ARMCX4: variants seen among roughly 807,000 people sequenced by gnomAD.
The protein encoded by ARMCX4 is armadillo repeat-containing X-linked protein 4.
Under a neutral mutation model 34.7 loss-of-function variants are expected in ARMCX4, and 3 were observed. The ratio of observed to expected loss-of-function variants is 0.09; its 90% confidence interval spans 0.04 to 0.22. The LOEUF is 0.22. Among genes scored for constraint, ARMCX4 ranks in the 10% least tolerant of loss-of-function variants. The pLI is 1.00. For synonymous variants in ARMCX4, 513 were observed against 632.8 expected (o/e 0.81, Z 2.84); for missense variants, 1,448 against 1,720.8 (o/e 0.84, Z 2.81).
rs139832388 is a variant in ARMCX4, at chrX:101,519,228, C to A, written c.*1780+8173C>A. The stretch of plus-strand genomic sequence containing the variant: ...GATGTATCAGCTATAATTTTCAGTT[C>A]TGTTAACTATAAGTACAATGTTTTA... On this transcript the variant is annotated intron_variant and NMD_transcript_variant, in intron 11 of 12. Transcript: ENST00000354842. 6.0e-3 allele frequency among the ~76,000 whole-genome samples: 666 copies of A among 111,293 alleles called. 5 individuals carry two copies. Among genetic ancestry groups the A allele is most frequent in the African/African-American group, 0.021 (643 of 30,705 alleles).
At chrX:101,527,342 TG>T (rs1249041867) in intron 11 of ARMCX4, among the ~76,000 whole-genome samples, 8 of 110,688 alleles carry the variant, frequency 7.2e-5, no homozygotes, top group African/African-American at 2.6e-4. Context: ...GTGTGTAGAG[TG>T]AAATTTATAG....
intron 8 of ARMCX4, among the ~76,000 whole-genome samples, chrX:101,507,712 G>C (rs1382205398): frequency 8.9e-6 from 1 of 111,896 alleles, no homozygotes; most frequent in African/African-American, 3.2e-5. Context: ...TTGCCTGTCT[G>C]AAAATGCCTG....
intron 11 of ARMCX4, among the ~76,000 whole-genome samples, chrX:101,530,034 C>T (rs931168870): frequency 1.1e-4 from 12 of 111,697 alleles, no homozygotes; most frequent in Admixed American, 5.7e-4. Context: ...CACATGCACA[C>T]GTATTTTTAT....
At chrX:101,530,538 T>G (rs1195188946) in intron 11 of ARMCX4, among the ~76,000 whole-genome samples, 2 of 111,535 alleles carry the variant, frequency 1.8e-5, no homozygotes, top group Non-Finnish European at 3.8e-5. Context: ...GAAAAAAATT[T>G]TAAGGTAGTT....
intron 2 of ARMCX4, among the ~76,000 whole-genome samples, chrX:101,440,653 C>G (rs6652846): frequency 0.017 from 1,848 of 111,651 alleles, 42 homozygotes; most frequent in African/African-American, 0.057. Context: ...CTTTGTTTAC[C>G]TACTCAAGCC....
intron 2 of ARMCX4, 135 bp from the exon 3 acceptor site, chrX:101,487,058 C>CTTTTT (rs782356134): frequency 1.1e-5 from 1 of 88,000 alleles, no homozygotes; most frequent in African/African-American, 4.4e-5. Flanking sequence ...AAGCCCCAGG[C>CTTTTT]TTTTTTTTTT....
intron 11 of ARMCX4, among the ~76,000 whole-genome samples, chrX:101,525,081 T>A (rs781976418): frequency 1.1e-3 from 122 of 111,428 alleles, no homozygotes; most frequent in African/African-American, 3.8e-3. Context: ...CAGATGCCTA[T>A]CTGAGACACA....
rs782542577 is a variant in ARMCX4 at position 101,434,059 on chromosome X, C to T, written n.165-9993C>T. Among the ~76,000 whole-genome samples, 4 of 108,632 alleles carry T rather than the reference C, an allele frequency of 3.7e-5. No homozygotes were observed. The East Asian group carries it at 1.2e-3, about 32-fold the overall frequency. The allele number at this position is 108,632 out of a possible 115,157, so 94.3% of individuals were successfully genotyped here. On this transcript the variant is annotated intron_variant and non_coding_transcript_variant, in intron 2 of 3. Transcript: ENST00000430461. ...CCTCTGGGCTCAAGCAATCCTCCCA[C>T]CTCAGCCTCCCAAGTAGCTGGGACC...
intron 4 of ARMCX4, among the ~76,000 whole-genome samples, chrX:101,467,903 G>C (rs1932821709): frequency 1.8e-5 from 2 of 111,845 alleles, no homozygotes; most frequent in South Asian, 7.4e-4. Flanking sequence ...GAAAATATAA[G>C]AACTTATGTT....
downstream of ARMCX4, among the ~76,000 whole-genome samples, chrX:101,497,185 T>C (rs1934196368): frequency 9.0e-6 from 1 of 111,459 alleles, no homozygotes; most frequent in Admixed American, 9.5e-5. Context: ...ATATTAATAG[T>C]TTTCTGTGGG....
chrX:101,464,113 C>T (rs782286001), intron 4 of ARMCX4, among the ~76,000 whole-genome samples: 1 of 110,142 alleles, frequency 9.1e-6, no homozygotes, highest in African/African-American at 3.3e-5. Context: ...TGGCTCATGC[C>T]TGTAATCCCA....
Position 101,477,430 on chromosome X carries a change from C to CAAAAAAA in ARMCX4, c.-472-8564_-472-8558dup, listed in dbSNP as rs1156582627. ...TGGGTGACAGAGCGAGACTCTGTCTCAAAAAAAAAAAAAAAAAAAAAAAAA... is the reference window on the plus strand; with the variant it reads ...TGGGTGACAGAGCGAGACTCTGTCTCAAAAAAAAAAAAAAAAAAAAAAAAAAAAAAAA... On this transcript the variant is annotated intron_variant and NMD_transcript_variant, in intron 4 of 15. Coordinates refer to the ARMCX4 transcript ENST00000433011. Among the ~76,000 whole-genome samples the CAAAAAAA allele has an allele frequency of 1.2e-3, 15 of 12,490 alleles. 1 individual carries two copies. The highest frequency in any genetic ancestry group is 3.3e-3 in the African/African-American group (11 of 3,366). The allele number at this position is 12,490 out of a possible 115,157, so 10.8% of individuals were successfully genotyped here.
intron 11 of ARMCX4, chrX:101,516,738 C>T: frequency 9.0e-6 from 1 of 111,110 alleles, no homozygotes; most frequent in Non-Finnish European, 1.9e-5. Flanking sequence ...CAGCTATTAC[C>T]AAACCCTCGT....
chrX:101,475,142 C>G (rs1933123208), intron 4 of ARMCX4, among the ~76,000 whole-genome samples: 1 of 109,828 alleles, frequency 9.1e-6, no homozygotes, highest in Admixed American at 9.8e-5. Flanking sequence ...AACCTCATCT[C>G]TATGAAAAAT....
intron 4 of ARMCX4, among the ~76,000 whole-genome samples, chrX:101,466,515 G>A (rs895647712): frequency 6.2e-5 from 7 of 112,089 alleles, no homozygotes; most frequent in Admixed American, 2.8e-4. Context: ...TAAATAAATT[G>A]TACTATACAA....
At chrX:101,446,338 T>G (rs1373958167), downstream of ARMCX4, among the ~76,000 whole-genome samples, 2 of 111,091 alleles carry the variant, frequency 1.8e-5, no homozygotes, top group African/African-American at 6.6e-5. Flanking sequence ...TGCTAGGGCC[T>G]TCATAGAAGC....
chrX:101,449,740 T>C (rs1744321451), downstream of ARMCX4, among the ~76,000 whole-genome samples: 1 of 111,839 alleles, frequency 8.9e-6, no homozygotes, highest in African/African-American at 3.3e-5. Flanking sequence ...TACGGTGAGG[T>C]CGTGTTTCCC....
At chrX:101,429,888 T>A (rs1929886110) in intron 2 of ARMCX4, among the ~76,000 whole-genome samples, 1 of 111,808 alleles carries the variant, frequency 8.9e-6, no homozygotes. Flanking sequence ...ATAACATGTT[T>A]CTTACCATAT....
intron 4 of ARMCX4, 52 bp from the exon 5 acceptor site, chrX:101,487,988 ATCTG>A (rs781892048): frequency 9.1e-5 from 62 of 682,999 alleles, no homozygotes; most frequent in South Asian, 6.8e-4. Flanking sequence ...CTGTCCCTCC[ATCTG>A]TCTGTCTGTC....
Sources: allele counts gnomAD v4.1 joint callset (sites outside exome capture counted in the v4.1 genomes callset), GRCh38; gene constraint gnomAD v4.1.1; transcripts MANE v1.5; gene names NCBI Gene and HGNC (gene_info 2026-07-23, HGNC 2026-07-21).